EPHB1: variants seen among roughly 807,000 people sequenced by gnomAD.
The protein encoded by EPHB1 is ephrin type-B receptor 1.
A neutral mutation model predicts 94.4 loss-of-function variants in EPHB1; 30 were observed. The observed-to-expected ratio is 0.32, with a 90% CI of 0.24 to 0.43. EPHB1 has a LOEUF of 0.43. Ranked by LOEUF, EPHB1 falls within the 20% of genes least tolerant of loss-of-function variation. The pLI is 1.00. For synonymous variants in EPHB1, 522 were observed against 489.1 expected (o/e 1.07, Z -0.89); for missense variants, 1,055 against 1,308.3 (o/e 0.81, Z 2.99).
intron 5 of EPHB1, among the ~76,000 whole-genome samples, chr3:135,148,856 T>C (rs1941099832): frequency 6.6e-6 from 1 of 152,224 alleles, no homozygotes; most frequent in Admixed American, 6.5e-5. Context: ...CCAGTGATGT[T>C]TTAATTCTCT....
chr3:135,021,293 G>A (rs1334642618), intron 3 of EPHB1, among the ~76,000 whole-genome samples: 2 of 151,906 alleles, frequency 1.3e-5, no homozygotes, highest in African/African-American at 4.8e-5. Flanking sequence ...CATTAATTTG[G>A]GAATTGATTG....
At chr3:135,206,314 T>C (rs1411333124) in intron 12 of EPHB1, among the ~76,000 whole-genome samples, 3 of 152,190 alleles carry the variant, frequency 2.0e-5, no homozygotes, top group Admixed American at 6.5e-5. Context: ...GGGAAGTATA[T>C]TCTCACACTG....
At chr3:135,258,986 CT>C (rs1003358337) in intron 15 of EPHB1, 25 bp from the exon 16 acceptor site, 61 of 1,556,264 alleles carry the variant, frequency 3.9e-5, no homozygotes, top group Non-Finnish European at 5.1e-5. Flanking sequence ...ACTAAAGTGA[CT>C]TCTTTTCTGG....
At chr3:135,220,878 T>C (rs1190561954) in intron 12 of EPHB1, among the ~76,000 whole-genome samples, 1 of 152,236 alleles carries the variant, frequency 6.6e-6, no homozygotes, top group African/African-American at 2.4e-5. Context: ...CTTGTCTTCA[T>C]AGATTTTCAT....
chr3:134,867,186 A>C (rs1006552634), intron 1 of EPHB1, among the ~76,000 whole-genome samples: 11 of 152,176 alleles, frequency 7.2e-5, no homozygotes, highest in African/African-American at 2.7e-4. Flanking sequence ...CATGAGCCTT[A>C]GGTATGCCTT....
intron 1 of EPHB1, among the ~76,000 whole-genome samples, chr3:134,821,294 A>C (rs1333317691): frequency 1.3e-5 from 2 of 152,258 alleles, no homozygotes; most frequent in Non-Finnish European, 2.9e-5. Context: ...CCCTCATGGA[A>C]GCACACAGGG....
chr3:135,133,685 A>G (rs1180634242), intron 5 of EPHB1, among the ~76,000 whole-genome samples: 1 of 152,210 alleles, frequency 6.6e-6, no homozygotes, highest in African/African-American at 2.4e-5. Flanking sequence ...AGATGGCAAT[A>G]GATCGCTCCT....
rs986658943 is a variant in EPHB1 at position 134,920,129 on chromosome 3, G to A, written c.59-5687G>A. Among the ~76,000 whole-genome samples, 5 of 152,264 alleles carry A rather than the reference G, an allele frequency of 3.3e-5. No individual in the cohort carries two copies. The East Asian group carries it at 9.7e-4, about 29-fold the overall frequency. On this transcript the variant is annotated intron_variant, in intron 1 of 15. Coordinates refer to ENST00000398015, the MANE Select transcript of EPHB1 (RefSeq NM_004441.5). Reference sequence around the variant, plus strand: ...CTGTGTGGCTGCAAGCTCCCTGAGGGCTGGGATGTCTGTCTATTCCCTGTT... The same window carrying A: ...CTGTGTGGCTGCAAGCTCCCTGAGGACTGGGATGTCTGTCTATTCCCTGTT...
intron 12 of EPHB1, among the ~76,000 whole-genome samples, chr3:135,217,378 A>T (rs1222346782): frequency 6.9e-6 from 1 of 144,140 alleles, no homozygotes; most frequent in Non-Finnish European, 1.6e-5. Flanking sequence ...GGACAAAAAG[A>T]CTGTGAACTT....
intron 3 of EPHB1, among the ~76,000 whole-genome samples, chr3:134,981,963 G>A (rs567676023): frequency 6.6e-6 from 1 of 152,276 alleles, no homozygotes; most frequent in East Asian, 1.9e-4. Flanking sequence ...AATTTTCTAA[G>A]TCTAATTTAA....
At chr3:134,962,560 C>T (rs6768739) in intron 3 of EPHB1, among the ~76,000 whole-genome samples, 73,887 of 151,784 alleles carry the variant, frequency 0.49, 18,664 homozygotes, top group African/African-American at 0.6. Context: ...GCCGAATCTG[C>T]CTGGTTTGCT....
intron 1 of EPHB1, among the ~76,000 whole-genome samples, chr3:134,811,452 T>C (rs1410178002): frequency 6.6e-6 from 1 of 152,038 alleles, no homozygotes; most frequent in Non-Finnish European, 1.5e-5. Flanking sequence ...TTGGCCAGGC[T>C]GGTCTTGAAC....
At chr3:134,814,021 G>A (rs925995480) in intron 1 of EPHB1, among the ~76,000 whole-genome samples, 5 of 152,160 alleles carry the variant, frequency 3.3e-5, no homozygotes, top group African/African-American at 7.2e-5. Context: ...AGTCTACCCC[G>A]GGGCCTGGCA....
chr3:134,808,652 A>C (rs2036113554), intron 1 of EPHB1, among the ~76,000 whole-genome samples: 1 of 152,236 alleles, frequency 6.6e-6, no homozygotes, highest in Non-Finnish European at 1.5e-5. Flanking sequence ...ATGGTCCTGA[A>C]GATGAAAAGA....
chr3:135,200,480 T>C (rs1197744445), intron 11 of EPHB1, among the ~76,000 whole-genome samples: 2 of 152,200 alleles, frequency 1.3e-5, no homozygotes, highest in African/African-American at 2.4e-5. Flanking sequence ...GTTATACCAG[T>C]CTAAGGGCTG....
chr3:135,132,658 T>C (rs1940460397), intron 4 of EPHB1, 56 bp from the exon 5 acceptor site: 1 of 1,467,596 alleles, frequency 6.8e-7, no homozygotes, highest in Admixed American at 2.3e-5. Flanking sequence ...ACAAGAGAGC[T>C]GCCGGACAAG....
intron 1 of EPHB1, among the ~76,000 whole-genome samples, chr3:134,832,713 C>T (rs989977601): frequency 1.3e-5 from 2 of 152,168 alleles, no homozygotes; most frequent in Admixed American, 6.5e-5. Flanking sequence ...TGTCATCGCA[C>T]TCTAACTTTT....
intron 1 of EPHB1, among the ~76,000 whole-genome samples, chr3:134,803,727 C>T (rs140880946): frequency 5.3e-5 from 8 of 152,276 alleles, no homozygotes; most frequent in Non-Finnish European, 8.8e-5. Flanking sequence ...GGCTCAAGAG[C>T]GAAGTTTCAA....
chr3:135,176,374 T>A lies in EPHB1; in HGVS notation c.1760-3486T>A, dbSNP rs16842743. 3.9e-3 allele frequency among the ~76,000 whole-genome samples: 591 copies of A among 152,356 alleles called. 7 individuals carry two copies. The highest frequency in any genetic ancestry group is 0.014 in the African/African-American group (562 of 41,584). ...CCTCAATTTCAGGGGAAACGAGTAC[T>A]GAGTCTAATTGTTGCATAGATGCAG... On this transcript the variant is annotated intron_variant, in intron 9 of 15. Coordinates refer to ENST00000398015, the MANE Select transcript of EPHB1 (RefSeq NM_004441.5).
Sources: gnomAD v4.1 joint callset for allele counts (sites outside exome capture counted in the v4.1 genomes callset) on GRCh38, gnomAD v4.1.1 for gene constraint, MANE v1.5 for transcripts, NCBI Gene and HGNC (gene_info 2026-07-23, HGNC 2026-07-21) for gene names.